The following MLH3 variants were observed in gnomAD, a reference collection of about 807,000 sequenced individuals.
MLH3 encodes DNA mismatch repair protein Mlh3.
In MLH3, 82 loss-of-function variants were observed where a neutral mutation model predicts 122.2. The observed-to-expected ratio is 0.67, with a 90% CI of 0.56 to 0.81. MLH3 has a LOEUF of 0.81. MLH3 is among the 30% of genes least tolerant of loss of function. The pLI is 0.00. For synonymous variants in MLH3, 524 were observed against 599.5 expected (o/e 0.87, Z 1.84); for missense variants, 1,539 against 1,714.5 (o/e 0.90, Z 1.81).
intron 6 of MLH3, among the ~76,000 whole-genome samples, chr14:75,035,585 C>T (rs1487776843): frequency 6.6e-6 from 1 of 152,188 alleles, no homozygotes; most frequent in Non-Finnish European, 1.5e-5. Flanking sequence ...GGAATTTGAT[C>T]TTCACAAATT....
At chr14:75,042,324 TGA>T (rs1891910102) in intron 3 of MLH3, 53 bp downstream of exon 3, 1 of 1,481,346 alleles carries the variant, frequency 6.8e-7, no homozygotes, top group African/African-American at 1.4e-5. Context: ...CTTTGTTTTT[TGA>T]GTTAGGTGGT....
At chr14:75,042,550 T>C in intron 2 of MLH3, 73 bp from the exon 3 acceptor site, 1 of 1,148,348 alleles carries the variant, frequency 8.7e-7, no homozygotes, top group Non-Finnish European at 1.3e-6. Context: ...TTTAATCACA[T>C]AAAACCTCTT....
chr14:75,019,010 T>C (rs898135215), intron 11 of MLH3, 30 bp from the exon 12 acceptor site: 3 of 1,603,056 alleles, frequency 1.9e-6, no homozygotes, highest in African/African-American at 2.7e-5. Flanking sequence ...AAGAAGGTTA[T>C]AGTGTATATA....
chr14:75,028,428 T>G (rs975110084), intron 9 of MLH3, among the ~76,000 whole-genome samples: 13 of 151,298 alleles, frequency 8.6e-5, no homozygotes, highest in Non-Finnish European at 1.8e-4. Context: ...TTTTTTTTTT[T>G]TTTTTTTGAG....
chr14:75,041,700 T>C lies in MLH3; in HGVS notation c.3380A>G (p.Asp1127Gly), dbSNP rs1482361507. The C allele has an allele frequency of 6.2e-7, 1 of 1,612,170 alleles. No individual in the cohort carries two copies. Among genetic ancestry groups the C allele is most frequent in the South Asian group, 1.1e-5 (1 of 91,046 alleles). The change falls in exon 4 of 13, where the codon GAT becomes GGT. Residue 1127 changes from aspartate (D) to glycine (G), a missense_variant and splice_region_variant. Coordinates refer to ENST00000355774, the MANE Select transcript of MLH3 (RefSeq NM_001040108.2). ...ERTVMRQDNR[D>G]TVDDTVSSES... ...GCTACTAACAGTATCATCCACAGTA[T>C]CTAGGGCAAAAGGGAACAGGTAAAG...
intron 2 of MLH3, among the ~76,000 whole-genome samples, chr14:75,043,197 A>C (rs1891991054): frequency 6.6e-6 from 1 of 152,212 alleles, no homozygotes; most frequent in Non-Finnish European, 1.5e-5. Flanking sequence ...TTACAACAAA[A>C]AATTACCCAG....
chr14:75,030,255 C>T (rs1890954609), intron 9 of MLH3, among the ~76,000 whole-genome samples: 2 of 152,200 alleles, frequency 1.3e-5, no homozygotes, highest in South Asian at 4.2e-4. Context: ...CATAACACTT[C>T]TGAAAAACTA....
intron 1 of MLH3, among the ~76,000 whole-genome samples, chr14:75,050,689 C>A (rs780489782): frequency 6.6e-6 from 1 of 152,166 alleles, no homozygotes; most frequent in Admixed American, 6.5e-5. Context: ...TGTGAACCAC[C>A]GCGCCCGGCC....
chr14:75,046,172 T>C (rs909481349), intron 2 of MLH3, among the ~76,000 whole-genome samples: 11 of 129,076 alleles, frequency 8.5e-5, no homozygotes, highest in African/African-American at 3.3e-4. Flanking sequence ...AGAGCAAGAC[T>C]CCGTCTCAAA....
At position 75,014,595 on chromosome 14, in the gene MLH3, A is replaced by C. The variant is rs1889801488; in HGVS notation, c.*2487T>G. 1.5e-5 allele frequency: 3 copies of C among 203,924 alleles called. No individual in the cohort carries two copies. Among genetic ancestry groups the C allele is most frequent in the Admixed American group, 1.2e-4 (2 of 16,730 alleles). The allele number at this position is 203,924 out of a possible 1,614,324, so 12.6% of individuals were successfully genotyped here. A position where few individuals can be genotyped will look rare whatever the true frequency, so the allele number is the denominator to read the frequency against. Reference sequence around the variant, plus strand: ...TTTCCTTGTCTTTCTCAGTGACTAAAGCTAAGCCTCTTGAAGGTAGAGACA... The same window carrying C: ...TTTCCTTGTCTTTCTCAGTGACTAACGCTAAGCCTCTTGAAGGTAGAGACA... On this transcript the variant is annotated 3_prime_UTR_variant, in exon 13 of 13. Transcript: ENST00000355774.
chr14:75,049,844 CA>C (rs1178328303), intron 1 of MLH3, 126 bp from the exon 2 acceptor site: 1 of 659,740 alleles, frequency 1.5e-6, no homozygotes, highest in African/African-American at 1.8e-5. Context: ...CAAAGCAAAA[CA>C]AAGTTATACC....
chr14:75,047,104 A>G lies in MLH3; in HGVS notation c.2552T>C (p.Met851Thr). ...QQMPSLRESP[M>T]TLKELSLFNR... The stretch of plus-strand genomic sequence containing the variant: ...AAAGAGAGATAACTCCTTCAGGGTC[A>G]TAGGACTTTCTCTCAAACTAGGCAT... Residue 851 changes from methionine (M) to threonine (T), a missense_variant, in exon 2 of 13, where the codon ATG becomes ACG. Transcript: ENST00000355774. The G allele has an allele frequency of 1.9e-6, 3 of 1,614,202 alleles. No individual in the cohort carries two copies. Among genetic ancestry groups the G allele is most frequent in the Non-Finnish European group, 2.5e-6 (3 of 1,180,024 alleles).
chr14:75,019,098 A>G (rs1890095236), intron 11 of MLH3, 118 bp from the exon 12 acceptor site: 2 of 952,040 alleles, frequency 2.1e-6, no homozygotes, highest in Non-Finnish European at 1.6e-6. Context: ...TCTTTAATGA[A>G]GCTTTAATCC....
intron 6 of MLH3, among the ~76,000 whole-genome samples, chr14:75,035,050 A>G (rs1276903288): frequency 7.3e-6 from 1 of 136,834 alleles, no homozygotes; most frequent in Non-Finnish European, 1.6e-5. Context: ...GCGACAGAGC[A>G]AGACTCCATC....
At chr14:75,030,805 C>G (rs2139390492) in intron 8 of MLH3, 103 bp from the exon 9 acceptor site, 2 of 915,876 alleles carry the variant, frequency 2.2e-6, no homozygotes, top group Non-Finnish European at 3.5e-6. Context: ...AAAGCTGCCA[C>G]AGGGCTTAAC....
Position 75,015,918 on chromosome 14 carries a change from G to A in MLH3, c.*1164C>T, listed in dbSNP as rs1361557815. Reference sequence around the variant, plus strand: ...TTGATATAAAAGCCACTTTGAGCAGGCTGGTCAGGAAATACAAAAGTAGAA... The same window carrying A: ...TTGATATAAAAGCCACTTTGAGCAGACTGGTCAGGAAATACAAAAGTAGAA... On this transcript the variant is annotated 3_prime_UTR_variant, in exon 13 of 13. Coordinates refer to ENST00000355774, the MANE Select transcript of MLH3 (RefSeq NM_001040108.2). 4.3e-6 allele frequency: 1 copy of A among 231,102 alleles called. No individual in the cohort carries two copies. The highest frequency in any genetic ancestry group is 6.1e-5 in the East Asian group (1 of 16,286). The allele number at this position is 231,102 out of a possible 1,614,324, so 14.3% of individuals were successfully genotyped here. A position where few individuals can be genotyped will look rare whatever the true frequency, so the allele number is the denominator to read the frequency against.
At position 75,046,828 on chromosome 14, in the gene MLH3, T is replaced by G; in HGVS notation, c.2828A>C (p.Gln943Pro). The change falls in exon 2 of 13, where the codon CAG (glutamine) becomes CCG (proline). Residue 943 changes from glutamine to proline, a missense_variant. Coordinates refer to ENST00000355774, the MANE Select transcript of MLH3 (RefSeq NM_001040108.2). ...ACTATTTTTATTAAAGGAATTATCC[T>G]GTGTGGCAGAATCTGATGTTGGGAT... The part of the protein sequence containing the change: ...GVIPTSDSAT[Q>P]DNSFNKNSKT... 1 of 1,614,162 alleles carries G rather than the reference T, an allele frequency of 6.2e-7. No homozygotes were observed. The highest frequency in any genetic ancestry group is 8.5e-7 in the Non-Finnish European group (1 of 1,180,030).
In MLH3 at chr14:75,018,852, CTA is replaced by C. The variant is rs1410621557; in HGVS notation, c.4217_4218del (p.Ile1406ArgfsTer10). 6.2e-7 allele frequency: 1 copy of C among 1,614,188 alleles called. No homozygotes were observed. Among genetic ancestry groups the C allele is most frequent in the South Asian group, 1.1e-5 (1 of 91,076 alleles). Reference protein sequence around the residue: ...GRPSMLPLADIDHLEQEKQIK... With the variant: ...GRPSMLPLADXDHLEQEKQIK... ...ACCTGTTTTTCCTGTTCCAAGTGGT[CTA>C]TGTCAGCTAACGGCAGCATAGAAGG... On this transcript the variant is annotated frameshift_variant, in exon 12 of 13. Transcript: ENST00000355774. LOFTEE classifies it high-confidence loss of function.
chr14:75,029,086 G>T (rs1424547649), intron 9 of MLH3, among the ~76,000 whole-genome samples: 1 of 145,050 alleles, frequency 6.9e-6, no homozygotes, highest in Non-Finnish European at 1.5e-5. Flanking sequence ...GGAGGTGGAG[G>T]TTGCAGTGAG....
Sources: gnomAD v4.1 joint callset for allele counts (sites outside exome capture counted in the v4.1 genomes callset) on GRCh38, gnomAD v4.1.1 for gene constraint, MANE v1.5 for transcripts, NCBI Gene and HGNC (gene_info 2026-07-23, HGNC 2026-07-21) for gene names.